Variants in ZNF841 observed in about 807,000 individuals in gnomAD.
The protein encoded by ZNF841 is zinc finger protein 841.
Under a neutral mutation model 13.0 loss-of-function variants are expected in ZNF841, and 11 were observed. The ratio of observed to expected loss-of-function variants is 0.85; its 90% confidence interval spans 0.53 to 1.40. The LOEUF is 1.40. Among genes scored for constraint, ZNF841 ranks in the 40% most tolerant of loss-of-function variants. The pLI is 0.00. For missense variants in ZNF841, 1,068 were observed against 1,139.5 expected (o/e 0.94, Z 0.90); for synonymous variants, 369 against 381.6 (o/e 0.97, Z 0.38).
chr19:52,065,875 A>G lies in ZNF841; in HGVS notation c.2007T>C (p.Thr669=). 2 of 1,614,086 alleles carry G rather than the reference A, an allele frequency of 1.2e-6. No homozygotes were observed. Among genetic ancestry groups the G allele is most frequent in the Non-Finnish European group, 1.7e-6 (2 of 1,179,986 alleles). Residue 669 remains threonine (T), a synonymous_variant, in exon 7 of 7, where the codon ACT becomes ACC. Transcript: ENST00000594440. ...GKAYTQRSSL[T]KHLVIHTGEN... ...CTCCAGTATGAATTACCAGATGTTT[A>G]GTGAGGCTTGAACGCTGAGTATAGG... is the stretch of plus-strand genomic sequence containing the variant.
rs779063651 is a variant in ZNF841, at chr19:52,065,709, C to T, written c.2173G>A (p.Val725Met). The T allele has an allele frequency of 6.2e-7, 1 of 1,603,542 alleles. No individual in the cohort carries two copies. Among genetic ancestry groups the T allele is most frequent in the Non-Finnish European group, 8.5e-7 (1 of 1,174,470 alleles). ...CCAGTATGTCTTCTCTGATGGTACACCAGACTTGTTTTATGACTAAAAGTT... is the reference window on the plus strand; with the variant it reads ...CCAGTATGTCTTCTCTGATGGTACATCAGACTTGTTTTATGACTAAAAGTT... ...GRTFSHKTSL[V>M]YHQRRHTGEM... The change falls in exon 7 of 7, where the codon GTG becomes ATG. Residue 725 changes from valine to methionine, a missense_variant. Transcript: ENST00000594440.
At chr19:52,087,602 C>G (rs529494713) in intron 3 of ZNF841, among the ~76,000 whole-genome samples, 1 of 152,186 alleles carries the variant, frequency 6.6e-6, no homozygotes, top group Admixed American at 6.6e-5. Context: ...ACTACCAGAC[C>G]AAGCCAGAAT....
At position 52,065,847 on chromosome 19, in the gene ZNF841, T is replaced by A. The variant is rs754370122; in HGVS notation, c.2035A>T (p.Asn679Tyr). The A allele has an allele frequency of 1.1e-5, 17 of 1,613,904 alleles. No homozygotes were observed. In the African/African-American group the frequency reaches 1.7e-4, roughly 16 times the overall value. ...TKHLVIHTGE[N>Y]PYHCNEFGEA... ...CCAAATTCATTACAGTGGTAAGGGT[T>A]CTCTCCAGTATGAATTACCAGATGT... The change falls in exon 7 of 7, where the codon AAC becomes TAC. Residue 679 changes from asparagine to tyrosine, a missense_variant. Asn to Tyr is a moderately radical substitution (Grantham distance 143). Coordinates refer to ENST00000594440, the MANE Select transcript of ZNF841 (RefSeq NM_001136499.2).
rs1187787429 is a variant in ZNF841, at chr19:52,067,735, A to G, written c.272-125T>C. 1.5e-5 allele frequency: 9 copies of G among 597,434 alleles called. No individual in the cohort carries two copies. In the African/African-American group the frequency reaches 1.5e-4, roughly 10 times the overall value. 37.0% of individuals were successfully genotyped at this position (597,434 alleles called of 1,614,324 possible). On this transcript the variant is annotated intron_variant, in intron 6 of 6. Transcript: ENST00000594440. Reference sequence around the variant, plus strand: ...CAAGTTGTGAAACTTTTCTACCATGATCTTCTATTTGTAGAAATGCAAAAT... The same window carrying G: ...CAAGTTGTGAAACTTTTCTACCATGGTCTTCTATTTGTAGAAATGCAAAAT...
At chr19:52,092,892 G>A (rs372096047) in intron 2 of ZNF841, among the ~76,000 whole-genome samples, 64 of 152,324 alleles carry the variant, frequency 4.2e-4, no homozygotes, top group African/African-American at 1.4e-3. Context: ...AGGCCAAGGC[G>A]GGCAGATCAC....
chr19:52,082,345 A>C (rs374007180), intron 4 of ZNF841, among the ~76,000 whole-genome samples: 1 of 152,232 alleles, frequency 6.6e-6, no homozygotes, highest in Non-Finnish European at 1.5e-5. Context: ...GAGGTTTGCC[A>C]ATCTTCATAT....
the ZNF841 span, among the ~76,000 whole-genome samples, chr19:52,059,390 T>TATATATATAA: frequency 1.0e-5 from 1 of 96,388 alleles, no homozygotes; most frequent in Non-Finnish European, 1.9e-5. Flanking sequence ...TATATATATA[T>TATATATATAA]ACACACACAC....
Position 52,065,204 on chromosome 19 carries a change from G to A in ZNF841, c.2678C>T (p.Thr893Ile), listed in dbSNP as rs530820418. 1.2e-6 allele frequency: 2 copies of A among 1,610,402 alleles called. No homozygotes were observed. The highest frequency in any genetic ancestry group is 2.7e-5 in the African/African-American group (2 of 74,912). Reference sequence around the variant, plus strand: ...TCCAGCATGTTTTATCTGATGTTTAGTGAGGCCTGAGCGACTAATGTAAGA... The same window carrying A: ...TCCAGCATGTTTTATCTGATGTTTAATGAGGCCTGAGCGACTAATGTAAGA... The part of the protein sequence containing the change: ...GKSYISRSGL[T>I]KHQIKHAGEN... Residue 893 changes from threonine to isoleucine, a missense_variant, in exon 7 of 7, where the codon ACT becomes ATT. By Grantham distance (89) the Thr-to-Ile change is moderately conservative (BLOSUM62 -1). Transcript: ENST00000594440.
chr19:52,076,312 T>C, intron 5 of ZNF841, 140 bp from the exon 6 acceptor site: 1 of 1,018,406 alleles, frequency 9.8e-7, no homozygotes, highest in Non-Finnish European at 1.4e-6. Flanking sequence ...TCTGAATGCT[T>C]AGTGAACACT....
Position 52,067,131 on chromosome 19 carries a change from C to G in ZNF841, c.751G>C (p.Asp251His). The G allele has an allele frequency of 1.3e-6, 2 of 1,564,810 alleles. No homozygotes were observed. Among genetic ancestry groups the G allele is most frequent in the African/African-American group, 1.4e-5 (1 of 73,596 alleles). Reference sequence around the variant, plus strand: ...TTTTCCCTAATATGTGTTTTCTCGTCTTGTGTAGGTAACGAAAGTTGCAAA... The same window carrying G: ...TTTTCCCTAATATGTGTTTTCTCGTGTTGTGTAGGTAACGAAAGTTGCAAA... ...DFLQLSLPTQ[D>H]EKTHIREKPY... Residue 251 changes from aspartate to histidine, a missense_variant, in exon 7 of 7, where the codon GAC (aspartate) becomes CAC (histidine). By Grantham distance (81) the Asp-to-His change is moderately conservative (BLOSUM62 -1). Coordinates refer to ENST00000594440, the MANE Select transcript of ZNF841 (RefSeq NM_001136499.2).
Position 52,066,685 on chromosome 19 carries a change from T to C in ZNF841, c.1197A>G (p.Lys399=), listed in dbSNP as rs2123214950. The change falls in exon 7 of 7, where the codon AAA becomes AAG. Residue 399 remains lysine (K), a synonymous_variant. Coordinates refer to ENST00000594440, the MANE Select transcript of ZNF841 (RefSeq NM_001136499.2). The stretch of plus-strand genomic sequence containing the variant: ...TGCCACATTCATTACATTTGTAGGG[T>C]TTGTCTCCAGTATGAACTGTCTGAT... ...ATHQTVHTGD[K]PYKCNECGKT... is the part of the protein sequence containing the mutation. 1 of 1,612,022 alleles carries C rather than the reference T, an allele frequency of 6.2e-7. No homozygotes were observed. The highest frequency in any genetic ancestry group is 1.1e-5 in the South Asian group (1 of 90,882).
chr19:52,092,680 G>A (rs2088538418), intron 2 of ZNF841, among the ~76,000 whole-genome samples: 1 of 152,176 alleles, frequency 6.6e-6, no homozygotes, highest in African/African-American at 2.4e-5. Flanking sequence ...GTATCTTTAA[G>A]AGACATCTAG....
chr19:52,082,226 G>T (rs112188693), intron 4 of ZNF841, among the ~76,000 whole-genome samples: 1 of 152,090 alleles, frequency 6.6e-6, no homozygotes, highest in African/African-American at 2.4e-5. Flanking sequence ...CAAGACCTGC[G>T]ACTGTAAAAA....
chr19:52,072,225 C>T lies in ZNF841; in HGVS notation c.271+3819G>A, dbSNP rs559476266. ...GTAACTAAAGGGAGAAGTAGTTCCACAGTAATAATAAGAGACTTCAATGGC... is the reference window on the plus strand; with the variant it reads ...GTAACTAAAGGGAGAAGTAGTTCCATAGTAATAATAAGAGACTTCAATGGC... On this transcript the variant is annotated intron_variant, in intron 6 of 6. Coordinates refer to ENST00000594440, the MANE Select transcript of ZNF841 (RefSeq NM_001136499.2). 2.7e-4 allele frequency among the ~76,000 whole-genome samples: 41 copies of T among 152,062 alleles called. 1 individual carries two copies. The highest frequency in any genetic ancestry group is 5.9e-4 in the Non-Finnish European group (40 of 68,010).
In ZNF841 at chr19:52,064,923, A is replaced by C. The variant is rs2087491115; in HGVS notation, c.*184T>G. ...TGCTGGGATTACAGGCATGAGCCAG[A>C]CCTCATGAGAACTATCACAAGGACA... On this transcript the variant is annotated 3_prime_UTR_variant, in exon 7 of 7. Coordinates refer to ENST00000594440, the MANE Select transcript of ZNF841 (RefSeq NM_001136499.2). 1 of 472,742 alleles carries C rather than the reference A, an allele frequency of 2.1e-6. No individual in the cohort carries two copies. Among genetic ancestry groups the C allele is most frequent in the South Asian group, 5.0e-5 (1 of 19,992 alleles). The allele number at this position is 472,742 out of a possible 1,614,324, so 29.3% of individuals were successfully genotyped here. A position where few individuals can be genotyped will look rare whatever the true frequency, so the allele number is the denominator to read the frequency against.
chr19:52,063,411 G>A (rs866417849), downstream of ZNF841, among the ~76,000 whole-genome samples: 11 of 151,994 alleles, frequency 7.2e-5, no homozygotes, highest in African/African-American at 2.7e-4. Flanking sequence ...GTACAATGGC[G>A]CAATCTCGGC....
the ZNF841 span, chr19:52,058,710 TAA>T: frequency 6.5e-6 from 1 of 153,074 alleles, no homozygotes; most frequent in African/African-American, 2.4e-5. Flanking sequence ...TTAATGTTTA[TAA>T]GACTATAAAA....
chr19:52,071,521 T>C (rs1242987866), intron 6 of ZNF841, among the ~76,000 whole-genome samples: 1 of 152,158 alleles, frequency 6.6e-6, no homozygotes, highest in East Asian at 1.9e-4. Context: ...GGTTTAAATA[T>C]ATGTTAATGG....
intron 6 of ZNF841, among the ~76,000 whole-genome samples, chr19:52,067,931 T>C (rs1463587787): frequency 6.6e-6 from 1 of 152,144 alleles, no homozygotes; most frequent in Non-Finnish European, 1.5e-5. Context: ...CAATTGGCAG[T>C]AAACATATGG....
Sources: allele counts gnomAD v4.1 joint callset (sites outside exome capture counted in the v4.1 genomes callset), GRCh38; gene constraint gnomAD v4.1.1; transcripts MANE v1.5; gene names NCBI Gene and HGNC (gene_info 2026-07-23, HGNC 2026-07-21).